The following VPS13B variants were observed in gnomAD, a reference collection of about 807,000 sequenced individuals.
VPS13B encodes the protein intermembrane lipid transfer protein VPS13B.
In VPS13B, 285 loss-of-function variants were observed where a neutral mutation model predicts 426.4. The ratio of observed to expected loss-of-function variants is 0.67; its 90% CI spans 0.61 to 0.74. The LOEUF (loss-of-function observed/expected upper bound fraction) is 0.74. VPS13B is among the 30% of genes least tolerant of loss of function. VPS13B has a pLI of 0.00. For missense variants in VPS13B, 4,537 were observed against 4,782.6 expected (o/e 0.95, Z 1.51); for synonymous variants, 1,676 against 1,676.4 (o/e 1.00, Z 0.01).
At chr8:99,818,956 C>T in intron 47 of VPS13B, 68 bp downstream of exon 47, 1 of 944,744 alleles carries the variant, frequency 1.1e-6, no homozygotes, top group South Asian at 1.4e-5. Context: ...AGTAACCTTG[C>T]ACTGGGGGGC....
chr8:99,479,588 T>G (rs1277325921), intron 24 of VPS13B, among the ~76,000 whole-genome samples: 5 of 152,258 alleles, frequency 3.3e-5, no homozygotes, highest in African/African-American at 9.6e-5. Context: ...TATGTTCTTA[T>G]GCAGTCCTCC....
chr8:99,440,019 G>T (rs900798520), intron 22 of VPS13B, among the ~76,000 whole-genome samples: 9 of 152,066 alleles, frequency 5.9e-5, no homozygotes, highest in African/African-American at 2.2e-4. Flanking sequence ...TTCAGTATAT[G>T]ATACTTAGAT....
intron 22 of VPS13B, among the ~76,000 whole-genome samples, chr8:99,438,540 A>G (rs1817519328): frequency 6.6e-6 from 1 of 152,190 alleles, no homozygotes; most frequent in South Asian, 2.1e-4. Flanking sequence ...TCTGGAATTC[A>G]AATCTAGGAA....
In VPS13B at chr8:99,442,631, A is replaced by G. The variant is rs767433370; in HGVS notation, c.3441A>G (p.Glu1147=). 5 of 1,613,634 alleles carry G rather than the reference A, an allele frequency of 3.1e-6. No individual in the cohort carries two copies. The Admixed American group carries it at 6.7e-5, about 22-fold the overall frequency. Residue 1147 remains glutamate (E), a synonymous_variant, in exon 23 of 62, where the codon GAA becomes GAG. Coordinates refer to ENST00000357162, the MANE Select transcript of VPS13B (RefSeq NM_152564.5). ...TTGTTATCCCACGACCCATCCTTGAAGAAGGTATATGTTAACATTTTTTTC... is the reference window on the plus strand; with the variant it reads ...TTGTTATCCCACGACCCATCCTTGAGGAAGGTATATGTTAACATTTTTTTC... The part of the protein sequence containing the change: ...IPFVIPRPIL[E]EGDAFPWTIS...
At chr8:99,223,411 G>T (rs970486947) in intron 17 of VPS13B, among the ~76,000 whole-genome samples, 1 of 152,040 alleles carries the variant, frequency 6.6e-6, no homozygotes, top group African/African-American at 2.4e-5. Context: ...GCTATCTATT[G>T]TGTCATTTAG....
chr8:99,357,286 T>C (rs73702007), intron 19 of VPS13B, among the ~76,000 whole-genome samples: 3,616 of 152,330 alleles, frequency 0.024, 140 homozygotes, highest in African/African-American at 0.081. Context: ...AAGTGGTTGC[T>C]TATGTTTTTT....
Position 99,500,195 on chromosome 8 carries a change from A to AT in VPS13B, c.3871-1488dup, listed in dbSNP as rs140980624. ...TGTCTTTGTTTAAATTTTAAGGGGT[A>AT]TTTTGTTCTGACAGTTAACTACTGG... On this transcript the variant is annotated intron_variant, in intron 25 of 61. Transcript: ENST00000357162. Among the ~76,000 whole-genome samples, 67 of 152,260 alleles carry AT rather than the reference A, an allele frequency of 4.4e-4. 2 individuals carry two copies. In the East Asian group the frequency reaches 0.013, roughly 29 times the overall value.
intron 22 of VPS13B, among the ~76,000 whole-genome samples, chr8:99,437,856 C>G (rs977089616): frequency 2.6e-5 from 4 of 152,094 alleles, no homozygotes; most frequent in Admixed American, 2.6e-4. Context: ...TGTTTTTATT[C>G]CAGAAGCACA....
At chr8:99,768,244 T>A (rs1811324941) in intron 40 of VPS13B, among the ~76,000 whole-genome samples, 1 of 152,314 alleles carries the variant, frequency 6.6e-6, no homozygotes, top group East Asian at 1.9e-4. Flanking sequence ...CTTATTCCTT[T>A]TATGTAATAC....
intron 33 of VPS13B, among the ~76,000 whole-genome samples, chr8:99,582,267 C>T (rs901854357): frequency 6.6e-6 from 1 of 152,140 alleles, no homozygotes; most frequent in African/African-American, 2.4e-5. Flanking sequence ...ATTTTAACAA[C>T]CAAATTTTGC....
intron 33 of VPS13B, among the ~76,000 whole-genome samples, chr8:99,609,985 CT>C (rs1255749876): frequency 6.6e-6 from 1 of 152,188 alleles, no homozygotes; most frequent in African/African-American, 2.4e-5. Context: ...TCTCTGGGAC[CT>C]CGGGGGATCT....
intron 31 of VPS13B, among the ~76,000 whole-genome samples, chr8:99,572,751 C>T (rs1358880799): frequency 3.3e-5 from 5 of 152,056 alleles, no homozygotes; most frequent in Admixed American, 6.6e-5. Context: ...TGAATAGTGC[C>T]GCAGTAAACA....
chr8:99,770,389 G>C (rs1037356379), intron 40 of VPS13B, among the ~76,000 whole-genome samples: 1 of 144,172 alleles, frequency 6.9e-6, no homozygotes. Context: ...TACTCCCATC[G>C]TGTATGTATT....
Position 99,111,165 on chromosome 8 carries a change from T to C in VPS13B, c.648T>C (p.Asn216=). The change falls in exon 6 of 62, where the codon AAT becomes AAC. Residue 216 remains asparagine, a synonymous_variant. Transcript: ENST00000357162. ...SDCTVCLDKR[N]ASGKIEFYQD... ...GTACAGTTTGTCTTGATAAACGGAATGCCAGTGGTAAAATAGAATTTTACC... is the reference window on the plus strand; with the variant it reads ...GTACAGTTTGTCTTGATAAACGGAACGCCAGTGGTAAAATAGAATTTTACC... 6.2e-7 allele frequency: 1 copy of C among 1,603,836 alleles called. No homozygotes were observed. Among genetic ancestry groups the C allele is most frequent in the East Asian group, 2.3e-5 (1 of 44,342 alleles).
intron 43 of VPS13B, among the ~76,000 whole-genome samples, chr8:99,801,852 A>C (rs1813140236): frequency 1.3e-5 from 2 of 152,180 alleles, no homozygotes; most frequent in Non-Finnish European, 2.9e-5. Flanking sequence ...AATCCTTAAA[A>C]ATACTTGCCA....
At chr8:99,518,557 T>C (rs1822211385) in intron 29 of VPS13B, among the ~76,000 whole-genome samples, 1 of 152,126 alleles carries the variant, frequency 6.6e-6, no homozygotes, top group African/African-American at 2.4e-5. Context: ...TTTTTCTCCT[T>C]TTGCTGTCCC....
intron 25 of VPS13B, among the ~76,000 whole-genome samples, chr8:99,493,020 T>C (rs1476928451): frequency 6.6e-6 from 1 of 152,216 alleles, no homozygotes; most frequent in Non-Finnish European, 1.5e-5. Flanking sequence ...GAAATTATTA[T>C]ATACGTAATT....
At position 99,143,570 on chromosome 8, in the gene VPS13B, A is replaced by AT. The variant is rs533267951; in HGVS notation, c.1843+411dup. Among the ~76,000 whole-genome samples, 159 of 152,250 alleles carry AT rather than the reference A, an allele frequency of 1.0e-3. 1 individual carries two copies. The highest frequency in any genetic ancestry group is 3.4e-3 in the Middle Eastern group (1 of 294). On this transcript the variant is annotated intron_variant, in intron 13 of 61. Transcript: ENST00000357162. ...TTTAGAAAAAGTTGCTGTACAACTA[A>AT]TTTTTTCTACATGGTAGATAGCTAT...
intron 35 of VPS13B, among the ~76,000 whole-genome samples, chr8:99,684,477 A>G (rs944790274): frequency 5.3e-5 from 8 of 152,160 alleles, no homozygotes; most frequent in Admixed American, 1.3e-4. Flanking sequence ...AACTCTCTCT[A>G]TCTCCACATG....
Sources: allele counts gnomAD v4.1 joint callset (sites outside exome capture counted in the v4.1 genomes callset), GRCh38; gene constraint gnomAD v4.1.1; transcripts MANE v1.5; gene names NCBI Gene and HGNC (gene_info 2026-07-23, HGNC 2026-07-21).